FBXO10: variants seen among roughly 807,000 people sequenced by gnomAD.
FBXO10 encodes the protein F-box protein 10, also known as F-box only protein 10.
FBXO10 carries 39 observed loss-of-function variants against 80.7 expected under a neutral mutation model. That is an observed-to-expected ratio of 0.48 (90% CI 0.37 to 0.63). FBXO10 has a LOEUF of 0.63. Among genes scored for constraint, FBXO10 ranks in the 30% least tolerant of loss-of-function variants. The pLI is 0.00. For missense variants in FBXO10, 1,025 were observed against 1,269.0 expected (o/e 0.81, Z 2.92); for synonymous variants, 449 against 489.6 (o/e 0.92, Z 1.09).
At chr9:37,534,303 A>G (rs1192602224) in intron 3 of FBXO10, among the ~76,000 whole-genome samples, 1 of 152,210 alleles carries the variant, frequency 6.6e-6, no homozygotes, top group East Asian at 1.9e-4. Context: ...AAGAATATAC[A>G]CAAACATGGA....
intron 1 of FBXO10, among the ~76,000 whole-genome samples, chr9:37,552,245 C>A (rs1822213429): frequency 6.6e-6 from 1 of 152,192 alleles, no homozygotes; most frequent in African/African-American, 2.4e-5. Flanking sequence ...ACTGTTCCAG[C>A]CTCTATGCAT....
At chr9:37,571,507 G>C (rs1184151876) in intron 1 of FBXO10, among the ~76,000 whole-genome samples, 1 of 151,704 alleles carries the variant, frequency 6.6e-6, no homozygotes, top group Admixed American at 6.6e-5. Flanking sequence ...TGTCAGCTGA[G>C]AACAACTCAC....
intron 1 of FBXO10, among the ~76,000 whole-genome samples, chr9:37,558,796 T>C (rs1278895074): frequency 1.3e-5 from 2 of 149,904 alleles, no homozygotes; most frequent in Non-Finnish European, 3.0e-5. Flanking sequence ...CTTATAGAGA[T>C]CAAGAAGAAA....
At chr9:37,572,377 A>G (rs1195751134) in intron 1 of FBXO10, among the ~76,000 whole-genome samples, 1 of 152,240 alleles carries the variant, frequency 6.6e-6, no homozygotes, top group Non-Finnish European at 1.5e-5. Flanking sequence ...AATACATCAG[A>G]AAATATCTAA....
At chr9:37,569,672 TA>T (rs773219717) in intron 1 of FBXO10, among the ~76,000 whole-genome samples, 36 of 152,198 alleles carry the variant, frequency 2.4e-4, no homozygotes, top group Non-Finnish European at 4.1e-4. Flanking sequence ...TTCAAAGGAT[TA>T]AAATTATACA....
chr9:37,545,315 T>G (rs372173056), intron 1 of FBXO10, among the ~76,000 whole-genome samples: 7 of 151,714 alleles, frequency 4.6e-5, no homozygotes, highest in East Asian at 2.0e-4. Context: ...TAGCTGGGAT[T>G]ACAGGCGCAC....
At chr9:37,568,466 G>C (rs28516560) in intron 1 of FBXO10, among the ~76,000 whole-genome samples, 34,577 of 152,060 alleles carry the variant, frequency 0.23, 4,214 homozygotes, top group Admixed American at 0.26. Flanking sequence ...CTAAAGTGCT[G>C]GGATTACAGG....
chr9:37,512,928 C>A (rs1821099634), intron 10 of FBXO10, among the ~76,000 whole-genome samples: 1 of 152,238 alleles, frequency 6.6e-6, no homozygotes, highest in African/African-American at 2.4e-5. Flanking sequence ...ACGTCCAGCT[C>A]TGCCTTCAAC....
chr9:37,511,640 G>A lies in FBXO10; in HGVS notation c.*907C>T, dbSNP rs1821056713. 1 of 153,208 alleles carries A rather than the reference G, an allele frequency of 6.5e-6. No homozygotes were observed. 9.5% of individuals were successfully genotyped at this position (153,208 alleles called of 1,614,324 possible). A position where few individuals can be genotyped will look rare whatever the true frequency, so the allele number is the denominator to read the frequency against. ...GAGGAACGAGGACACGGAGATGGGG[G>A]AGAAGGGCATGCCGGGAGGAGGAAA... On this transcript the variant is annotated 3_prime_UTR_variant, in exon 11 of 11. Coordinates refer to ENST00000432825, the MANE Select transcript of FBXO10 (RefSeq NM_012166.3).
At chr9:37,532,123 G>T in intron 3 of FBXO10, 65 bp from the exon 4 acceptor site, 1 of 1,509,928 alleles carries the variant, frequency 6.6e-7, no homozygotes, top group Non-Finnish European at 9.0e-7. Flanking sequence ...ACCACTGGAG[G>T]AACACCTGAG....
At chr9:37,557,358 C>T (rs1536551) in intron 1 of FBXO10, among the ~76,000 whole-genome samples, 9,943 of 152,242 alleles carry the variant, frequency 0.065, 415 homozygotes, top group Non-Finnish European at 0.098. Flanking sequence ...TTTACCCCTT[C>T]GGAGGCCTTG....
chr9:37,521,057 G>A (rs1821331869), intron 8 of FBXO10, among the ~76,000 whole-genome samples: 1 of 152,208 alleles, frequency 6.6e-6, no homozygotes, highest in Non-Finnish European at 1.5e-5. Context: ...TGGGACGTGT[G>A]GATGGGAGAA....
rs567565316 is a variant in FBXO10 at position 37,519,208 on chromosome 9, C to T, written c.2201-770G>A. On this transcript the variant is annotated intron_variant, in intron 8 of 10. Coordinates refer to ENST00000432825, the MANE Select transcript of FBXO10 (RefSeq NM_012166.3). ...ACAGGCGTGAGCCACCATGCCTGGC[C>T]GGAAATTTTCTTCTTAATGTAAGTT... Among the ~76,000 whole-genome samples the T allele has an allele frequency of 6.0e-4, 92 of 152,320 alleles. 1 individual carries two copies. The highest frequency in any genetic ancestry group is 6.8e-3 in the Middle Eastern group (2 of 294).
chr9:37,512,348 C>A lies in FBXO10; in HGVS notation c.*199G>T. On this transcript the variant is annotated 3_prime_UTR_variant, in exon 11 of 11. Coordinates refer to ENST00000432825, the MANE Select transcript of FBXO10 (RefSeq NM_012166.3). Reference sequence around the variant, plus strand: ...ACTGGAAACCCACCAGCTTCTATCCCTTCTCCCTGAAAAACATTGCCCACT... The same window carrying A: ...ACTGGAAACCCACCAGCTTCTATCCATTCTCCCTGAAAAACATTGCCCACT... 2.0e-6 allele frequency: 1 copy of A among 505,370 alleles called. No individual in the cohort carries two copies. The allele number at this position is 505,370 out of a possible 1,614,324, so 31.3% of individuals were successfully genotyped here.
chr9:37,522,844 T>C lies in FBXO10; in HGVS notation c.1911A>G (p.Ile637Met), dbSNP rs1254557802. The change falls in exon 7 of 11, where the codon ATA (isoleucine) becomes ATG (methionine). Residue 637 changes from isoleucine (I) to methionine (M), a missense_variant. Ile to Met is a conservative substitution (Grantham distance 10, BLOSUM62 1). Around this residue, in one of 3 missense-constraint regions of FBXO10, gnomAD observed 478 missense variants for 667.8 expected, o/e 0.72. Coordinates refer to ENST00000432825, the MANE Select transcript of FBXO10 (RefSeq NM_012166.3). ...CCTCACCGTAGATGGTATTTCCTTC[T>C]ATGAGGCCTTTGCCTTCGTCTCCCA... is the stretch of plus-strand genomic sequence containing the variant. Reference protein sequence around the residue: ...VVVGDEGKGLIEGNTIYANKG... With the variant: ...VVVGDEGKGLMEGNTIYANKG... 2 of 1,552,420 alleles carry C rather than the reference T, an allele frequency of 1.3e-6. No individual in the cohort carries two copies. The highest frequency in any genetic ancestry group is 1.7e-4 in the Middle Eastern group (1 of 5,996).
At chr9:37,541,058 G>A (rs1356619177) in intron 2 of FBXO10, 126 bp downstream of exon 2, 3 of 751,822 alleles carry the variant, frequency 4.0e-6, no homozygotes, top group Non-Finnish European at 6.3e-6. Context: ...AGCACTCAGA[G>A]GAGTATGAGT....
intron 4 of FBXO10, among the ~76,000 whole-genome samples, chr9:37,530,411 C>A (rs1284857652): frequency 6.6e-6 from 1 of 152,184 alleles, no homozygotes; most frequent in Non-Finnish European, 1.5e-5. Context: ...CATCCCTACA[C>A]CCTTTCACAA....
intron 6 of FBXO10, among the ~76,000 whole-genome samples, chr9:37,523,395 A>AC (rs2119070195): frequency 1.0e-5 from 1 of 96,270 alleles, no homozygotes; most frequent in South Asian, 3.8e-4. Flanking sequence ...AAAAAAAAAT[A>AC]CAAAAAAAAT....
At chr9:37,524,201 G>A (rs1288800638) in intron 6 of FBXO10, among the ~76,000 whole-genome samples, 7 of 152,196 alleles carry the variant, frequency 4.6e-5, no homozygotes, top group African/African-American at 1.7e-4. Context: ...CTCAGGGTCT[G>A]GTTTCCTTGT....
Sources: gnomAD v4.1 joint callset for allele counts (sites outside exome capture counted in the v4.1 genomes callset) on GRCh38, gnomAD v4.1.1 for gene constraint, gnomAD v4.1.1 regional missense constraint, MANE v1.5 for transcripts, NCBI Gene and HGNC (gene_info 2026-07-23, HGNC 2026-07-21) for gene names.